DPP10: variants seen among roughly 807,000 people sequenced by gnomAD.
DPP10 encodes the protein inactive dipeptidyl peptidase 10.
DPP10 carries 33 observed loss-of-function variants against 120.9 expected under a neutral mutation model. The ratio of observed to expected loss-of-function variants is 0.27; its 90% CI spans 0.21 to 0.37. The LOEUF is 0.37. Among genes scored for constraint, DPP10 ranks in the 10% least tolerant of loss-of-function variants. The pLI, the probability that DPP10 is intolerant of heterozygous loss-of-function variation, is 1.00. For synonymous variants in DPP10, 337 were observed against 326.1 expected (o/e 1.03, Z -0.36); for missense variants, 816 against 942.8 (o/e 0.87, Z 1.76).
intron 1 of DPP10, among the ~76,000 whole-genome samples, chr2:114,863,193 G>A (rs1240361073): frequency 6.6e-6 from 1 of 152,164 alleles, no homozygotes; most frequent in Non-Finnish European, 1.5e-5. Context: ...ATGCCTTGAT[G>A]GCTAATAACT....
intron 5 of DPP10, among the ~76,000 whole-genome samples, chr2:115,652,651 C>T (rs1343468040): frequency 2.6e-5 from 4 of 151,816 alleles, no homozygotes; most frequent in African/African-American, 9.7e-5. Flanking sequence ...AGTTTATAGA[C>T]TGAGTGCAAA....
intron 1 of DPP10, among the ~76,000 whole-genome samples, chr2:114,560,252 A>G (rs1271204161): frequency 6.6e-6 from 1 of 152,194 alleles, no homozygotes; most frequent in Non-Finnish European, 1.5e-5. Context: ...GGCAGAGTGG[A>G]AGAGGAGAAG....
chr2:115,067,842 A>G (rs1159372949), intron 1 of DPP10, among the ~76,000 whole-genome samples: 2 of 140,120 alleles, frequency 1.4e-5, no homozygotes, highest in Non-Finnish European at 3.1e-5. Context: ...AGCCTGGGCG[A>G]CACAGCAAGA....
intron 3 of DPP10, among the ~76,000 whole-genome samples, chr2:115,486,339 A>G (rs1218752830): frequency 1.3e-5 from 2 of 152,156 alleles, no homozygotes; most frequent in Non-Finnish European, 2.9e-5. Context: ...AAAGAAAGAC[A>G]TAGCTTTATC....
intron 24 of DPP10, among the ~76,000 whole-genome samples, chr2:115,839,499 C>A (rs1234421152): frequency 1.4e-5 from 2 of 147,998 alleles, no homozygotes; most frequent in African/African-American, 5.3e-5. Flanking sequence ...CATGGTGAAA[C>A]CCCGTCTCTA....
At chr2:114,755,830 C>T (rs986795925) in intron 1 of DPP10, among the ~76,000 whole-genome samples, 6 of 151,798 alleles carry the variant, frequency 4.0e-5, no homozygotes, top group African/African-American at 1.4e-4. Context: ...TTATTTTTTT[C>T]CTCAGTTTGT....
At chr2:114,667,987 G>T (rs1698056614) in intron 1 of DPP10, among the ~76,000 whole-genome samples, 1 of 152,108 alleles carries the variant, frequency 6.6e-6, no homozygotes, top group African/African-American at 2.4e-5. Context: ...GTGACCTCTT[G>T]AGGCTTAAGA....
intron 13 of DPP10, among the ~76,000 whole-genome samples, chr2:115,769,227 A>G (rs930937517): frequency 3.3e-5 from 5 of 152,210 alleles, no homozygotes; most frequent in Admixed American, 1.3e-4. Flanking sequence ...TGGGATCTTC[A>G]TGAGTGTTTT....
intron 1 of DPP10, among the ~76,000 whole-genome samples, chr2:114,530,180 T>C (rs1417543901): frequency 6.6e-6 from 1 of 152,114 alleles, no homozygotes. Context: ...TATGATGGAG[T>C]ATAATTACAT....
intron 3 of DPP10, among the ~76,000 whole-genome samples, chr2:115,378,149 G>T (rs962791074): frequency 1.5e-4 from 23 of 152,096 alleles, no homozygotes; most frequent in Non-Finnish European, 1.5e-5. Flanking sequence ...TGGGCAGTAT[G>T]GCCATTTTCA....
chr2:115,598,956 CTTTA>C lies in DPP10; in HGVS notation c.441+72996_441+72999del, dbSNP rs548357955. On this transcript the variant is annotated intron_variant, in intron 5 of 25. Transcript: ENST00000410059. Reference sequence around the variant, plus strand: ...CTCATTTTAAATTATGAGATGAGAACTTTATTTATTTATTTTTTACCTCTGTAAA... The same window carrying C: ...CTCATTTTAAATTATGAGATGAGAACTTTATTTATTTTTTACCTCTGTAAA... Among the ~76,000 whole-genome samples the C allele has an allele frequency of 2.4e-3, 360 of 151,430 alleles. 1 individual carries two copies. The highest frequency in any genetic ancestry group is 8.1e-3 in the African/African-American group (335 of 41,382).
chr2:115,283,653 T>A (rs1269742248), intron 1 of DPP10, among the ~76,000 whole-genome samples: 1 of 151,988 alleles, frequency 6.6e-6, no homozygotes, highest in Non-Finnish European at 1.5e-5. Context: ...AGGGGAGAGG[T>A]CAAATAACGA....
intron 1 of DPP10, among the ~76,000 whole-genome samples, chr2:114,451,458 G>A (rs866289936): frequency 5.9e-5 from 9 of 152,150 alleles, no homozygotes; most frequent in South Asian, 4.2e-4. Flanking sequence ...TAGGTTTGTC[G>A]TTGGTGGGAA....
intron 3 of DPP10, among the ~76,000 whole-genome samples, chr2:115,348,931 C>CTCTGG (rs2063851263): frequency 6.6e-6 from 1 of 152,106 alleles, no homozygotes; most frequent in Non-Finnish European, 1.5e-5. Context: ...AACCTACCTG[C>CTCTGG]TCTGGACCAG....
At chr2:115,835,886 G>C (rs1433210041) in intron 21 of DPP10, among the ~76,000 whole-genome samples, 1 of 151,990 alleles carries the variant, frequency 6.6e-6, no homozygotes, top group Non-Finnish European at 1.5e-5. Context: ...GACATTTGGT[G>C]ATGTAATTAA....
intron 5 of DPP10, among the ~76,000 whole-genome samples, chr2:115,656,720 A>C (rs1330205031): frequency 6.6e-6 from 1 of 151,734 alleles, no homozygotes; most frequent in Non-Finnish European, 1.5e-5. Context: ...CAGCGGGAGA[A>C]AGTCACCATT....
chr2:115,810,111 G>A (rs1015486975), intron 19 of DPP10, among the ~76,000 whole-genome samples: 6 of 151,076 alleles, frequency 4.0e-5, no homozygotes, highest in East Asian at 2.0e-4. Flanking sequence ...GCAGTGAGCC[G>A]AGATCGCACC....
Position 115,842,155 on chromosome 2 carries a change from C to T in DPP10, c.2257-56C>T, listed in dbSNP as rs1042268611. The T allele has an allele frequency of 1.7e-5, 26 of 1,490,858 alleles. No individual in the cohort carries two copies. The East Asian group carries it at 2.1e-4, about 12-fold the overall frequency. 92.4% of individuals were successfully genotyped at this position (1,490,858 alleles called of 1,614,324 possible). A position where few individuals can be genotyped will look rare whatever the true frequency, so the allele number is the denominator to read the frequency against. On this transcript the variant is annotated intron_variant, in intron 25 of 25. Coordinates refer to ENST00000410059, the MANE Select transcript of DPP10 (RefSeq NM_020868.6). Reference sequence around the variant, plus strand: ...GACGTTAGGGCTCAGAAAATGAATGCGAGAGACAATAGCTTCTTGGATAAT... The same window carrying T: ...GACGTTAGGGCTCAGAAAATGAATGTGAGAGACAATAGCTTCTTGGATAAT...
intron 1 of DPP10, among the ~76,000 whole-genome samples, chr2:114,823,766 A>G (rs1686299747): frequency 6.6e-6 from 1 of 152,208 alleles, no homozygotes; most frequent in African/African-American, 2.4e-5. Context: ...AGTAGGAGCT[A>G]CTTCCAAAAA....
Sources: allele counts gnomAD v4.1 joint callset (sites outside exome capture counted in the v4.1 genomes callset), GRCh38; gene constraint gnomAD v4.1.1; transcripts MANE v1.5; gene names NCBI Gene and HGNC (gene_info 2026-07-23, HGNC 2026-07-21).